Variants in BABAM2 observed in about 807,000 individuals in gnomAD.
BABAM2 encodes the protein BRISC and BRCA1-A complex member 2.
Under a neutral mutation model 54.7 loss-of-function variants are expected in BABAM2, and 31 were observed. That is an observed-to-expected ratio of 0.57 (90% CI 0.43 to 0.77). The LOEUF (loss-of-function observed/expected upper bound fraction) is 0.77. Among genes scored for constraint, BABAM2 ranks in the 30% least tolerant of loss-of-function variants. BABAM2 has a pLI of 0.00. For synonymous variants in BABAM2, 167 were observed against 162.9 expected (o/e 1.03, Z -0.19); for missense variants, 364 against 455.8 (o/e 0.80, Z 1.83).
At chr2:27,944,063 G>A (rs1443175969) in intron 3 of BABAM2, among the ~76,000 whole-genome samples, 1 of 152,030 alleles carries the variant, frequency 6.6e-6, no homozygotes, top group Non-Finnish European at 1.5e-5. Context: ...TATATAATCT[G>A]TCTTTGGTAC....
intron 7 of BABAM2, among the ~76,000 whole-genome samples, chr2:28,176,613 G>C (rs1573758456): frequency 1.4e-5 from 1 of 72,130 alleles, no homozygotes; most frequent in African/African-American, 5.0e-5. Context: ...TGAGATATAA[G>C]AGAACACAGA....
chr2:28,338,002 T>C (rs1265183428), intron 11 of BABAM2, among the ~76,000 whole-genome samples: 1 of 152,146 alleles, frequency 6.6e-6, no homozygotes, highest in Admixed American at 6.5e-5. Flanking sequence ...AAATCAAATG[T>C]GTTAAAAAAC....
intron 7 of BABAM2, among the ~76,000 whole-genome samples, chr2:28,236,364 C>CT (rs1681913381): frequency 7.2e-6 from 1 of 138,484 alleles, no homozygotes; most frequent in African/African-American, 2.7e-5. Context: ...TTCTTTTTTT[C>CT]TTTTTTCTTT....
chr2:27,949,448 C>T (rs923148568), intron 3 of BABAM2, among the ~76,000 whole-genome samples: 12 of 151,482 alleles, frequency 7.9e-5, no homozygotes, highest in Admixed American at 2.0e-4. Flanking sequence ...GCAGGAGAAT[C>T]GCTTGAACCC....
intron 10 of BABAM2, among the ~76,000 whole-genome samples, chr2:28,281,550 T>A (rs1686362321): frequency 6.6e-6 from 1 of 152,014 alleles, no homozygotes; most frequent in African/African-American, 2.4e-5. Flanking sequence ...GAATGAAGAG[T>A]ACTCAAAGTG....
At chr2:27,941,254 A>G (rs1240990026) in intron 3 of BABAM2, among the ~76,000 whole-genome samples, 1 of 152,216 alleles carries the variant, frequency 6.6e-6, no homozygotes, top group Non-Finnish European at 1.5e-5. Flanking sequence ...ATGAAAATGT[A>G]GACATTTTTT....
intron 7 of BABAM2, among the ~76,000 whole-genome samples, chr2:28,155,531 A>G (rs544774658): frequency 6.6e-5 from 10 of 152,256 alleles, no homozygotes; most frequent in Admixed American, 3.3e-4. Context: ...TACTAAGGTG[A>G]CTGAGCTAAA....
At chr2:27,917,014 C>CTTTT (rs753765833) in intron 2 of BABAM2, among the ~76,000 whole-genome samples, 19 of 90,092 alleles carry the variant, frequency 2.1e-4, no homozygotes, top group African/African-American at 2.9e-4. Context: ...TCACTCCAAA[C>CTTTT]TTTTTTTTTT....
intron 11 of BABAM2, among the ~76,000 whole-genome samples, chr2:28,314,896 C>T (rs553376097): frequency 9.3e-5 from 14 of 150,788 alleles, no homozygotes; most frequent in African/African-American, 3.2e-4. Context: ...AGATGGGAAG[C>T]ATGGGGGTTC....
chr2:27,890,212 C>A (rs1247614452), upstream of BABAM2: 1 of 1,580,680 alleles, frequency 6.3e-7, no homozygotes, highest in African/African-American at 1.3e-5. This position sits in a 1 kb window ranked among gnomAD's most constrained non-coding sequence, Gnocchi z 4.8. Flanking sequence ...GCACGGCACG[C>A]CTCCTCCCCC....
At chr2:28,129,016 A>G (rs896970313) in intron 6 of BABAM2, among the ~76,000 whole-genome samples, 2 of 152,110 alleles carry the variant, frequency 1.3e-5, no homozygotes, top group Admixed American at 6.5e-5. Flanking sequence ...CCCGCCCCCT[A>G]CCTCCTGAAT....
At chr2:28,135,288 C>A (rs1670436918) in intron 7 of BABAM2, among the ~76,000 whole-genome samples, 2 of 152,158 alleles carry the variant, frequency 1.3e-5, no homozygotes, top group South Asian at 4.1e-4. Flanking sequence ...ATTCAAACTG[C>A]TTTTCACTTT....
intron 6 of BABAM2, among the ~76,000 whole-genome samples, chr2:28,052,327 AC>A (rs1678061968): frequency 6.9e-6 from 1 of 145,546 alleles, no homozygotes; most frequent in Non-Finnish European, 1.5e-5. Context: ...TTGCTCTGTC[AC>A]CCAGGCTGGA....
At chr2:28,076,598 C>G (rs1664705335) in intron 6 of BABAM2, among the ~76,000 whole-genome samples, 1 of 151,978 alleles carries the variant, frequency 6.6e-6, no homozygotes, top group Non-Finnish European at 1.5e-5. Context: ...CGGGTTCGTG[C>G]CATTCTCCTG....
At chr2:28,132,700 G>A (rs1481849502) in intron 7 of BABAM2, among the ~76,000 whole-genome samples, 1 of 151,998 alleles carries the variant, frequency 6.6e-6, no homozygotes, top group Non-Finnish European at 1.5e-5. Flanking sequence ...CATTTTCCCT[G>A]AGGACAATTA....
At chr2:27,899,242 C>T (rs1665584791) in intron 2 of BABAM2, among the ~76,000 whole-genome samples, 1 of 152,120 alleles carries the variant, frequency 6.6e-6, no homozygotes, top group Non-Finnish European at 1.5e-5. Context: ...CTGACAGGGG[C>T]CTGATGGCTA....
intron 11 of BABAM2, among the ~76,000 whole-genome samples, chr2:28,323,360 G>A (rs1690188732): frequency 6.6e-6 from 1 of 152,028 alleles, no homozygotes; most frequent in African/African-American, 2.4e-5. Context: ...GATGATGCTT[G>A]TGAAGGCTCT....
chr2:28,047,969 A>G (rs1677720317), intron 6 of BABAM2, among the ~76,000 whole-genome samples: 1 of 152,244 alleles, frequency 6.6e-6, no homozygotes, highest in Non-Finnish European at 1.5e-5. Flanking sequence ...TGCTCTTCAA[A>G]GGAAGTTTGC....
chr2:28,338,685 C>T lies in BABAM2; in HGVS notation c.*172C>T. On this transcript the variant is annotated 3_prime_UTR_variant, in exon 12 of 12. Coordinates refer to ENST00000379624, the MANE Select transcript of BABAM2 (RefSeq NM_199191.3). ...ACTGCTGAAATCCAACTTGAGCTGGCTGGTGGTCCCTGGATCCTAGAGCCC... is the reference window on the plus strand; with the variant it reads ...ACTGCTGAAATCCAACTTGAGCTGGTTGGTGGTCCCTGGATCCTAGAGCCC... 1.5e-6 allele frequency: 1 copy of T among 658,944 alleles called. No individual in the cohort carries two copies. The highest frequency in any genetic ancestry group is 2.6e-6 in the Non-Finnish European group (1 of 381,022). The allele number at this position is 658,944 out of a possible 1,614,324, so 40.8% of individuals were successfully genotyped here.
Sources: gnomAD v4.1 joint callset for allele counts (sites outside exome capture counted in the v4.1 genomes callset) on GRCh38, gnomAD v4.1.1 for gene constraint, Gnocchi (gnomAD v3.1) non-coding constraint, MANE v1.5 for transcripts, NCBI Gene and HGNC (gene_info 2026-07-23, HGNC 2026-07-21) for gene names.